KDM4B: variants seen among roughly 807,000 people sequenced by gnomAD.
KDM4B encodes lysine-specific demethylase 4B.
KDM4B carries 32 observed loss-of-function variants against 125.2 expected under a neutral mutation model. The observed-to-expected ratio is 0.26, with a 90% CI of 0.19 to 0.34. The LOEUF (loss-of-function observed/expected upper bound fraction) is 0.34, where lower values mean the gene tolerates loss of function less well. Among genes scored for constraint, KDM4B ranks in the 10% least tolerant of loss-of-function variants. The pLI, the probability that KDM4B is intolerant of heterozygous loss-of-function variation, is 1.00. For synonymous variants in KDM4B, 721 were observed against 677.9 expected, an observed-to-expected ratio of 1.06 and a Z score of -0.99; for missense variants, 1,190 against 1,577.7, an observed-to-expected ratio of 0.75 and a Z score of 4.16.
At chr19:4,991,395 C>T (rs760002056) in intron 1 of KDM4B, among the ~76,000 whole-genome samples, 58 of 152,250 alleles carry the variant, frequency 3.8e-4, no homozygotes, top group Middle Eastern at 3.4e-3. Flanking sequence ...GGGAGGATCA[C>T]TTGAGTCCAG....
chr19:5,036,374 C>G (rs533836783), intron 3 of KDM4B, among the ~76,000 whole-genome samples: 1 of 152,354 alleles, frequency 6.6e-6, no homozygotes, highest in African/African-American at 2.4e-5. Flanking sequence ...CTGGAGCTGG[C>G]GGTGCCCTGG....
Position 4,996,112 on chromosome 19 carries a change from C to T in KDM4B, c.-108-20145C>T, listed in dbSNP as rs150480784. Among the ~76,000 whole-genome samples, 356 of 152,250 alleles carry T rather than the reference C, an allele frequency of 2.3e-3. 1 individual carries two copies. Among genetic ancestry groups the T allele is most frequent in the Middle Eastern group, 0.01 (3 of 294 alleles). The stretch of plus-strand genomic sequence containing the variant: ...TCAAGTGATTCTCCTGCCTCAGACT[C>T]CTGAGTAGCTGGGATTACAGGCATG... On this transcript the variant is annotated intron_variant, in intron 1 of 22. Transcript: ENST00000159111.
At chr19:5,003,929 G>A (rs8106479) in intron 1 of KDM4B, among the ~76,000 whole-genome samples, 2 of 151,988 alleles carry the variant, frequency 1.3e-5, no homozygotes, top group East Asian at 1.9e-4. Context: ...GGTCTGCCCC[G>A]TGGGTTGTTG....
chr19:5,004,124 C>T (rs575348392), intron 1 of KDM4B, among the ~76,000 whole-genome samples: 5 of 152,272 alleles, frequency 3.3e-5, no homozygotes, highest in South Asian at 2.1e-4. Context: ...ACGGCTAGGG[C>T]GGTGGATGGC....
chr19:5,003,729 A>T (rs549486951), intron 1 of KDM4B, among the ~76,000 whole-genome samples: 122 of 152,138 alleles, frequency 8.0e-4, no homozygotes, highest in Non-Finnish European at 1.4e-3. Flanking sequence ...GAATCGCTTG[A>T]ACCCGGGAGG....
intron 9 of KDM4B, among the ~76,000 whole-genome samples, chr19:5,105,882 A>G (rs192293500): frequency 2.6e-5 from 4 of 152,392 alleles, no homozygotes; most frequent in African/African-American, 9.6e-5. Flanking sequence ...CTATGTGCCA[A>G]TAAAACTTTA....
intron 10 of KDM4B, among the ~76,000 whole-genome samples, chr19:5,111,206 G>T (rs934657209): frequency 6.6e-6 from 1 of 152,242 alleles, no homozygotes; most frequent in African/African-American, 2.4e-5. Context: ...CTCACTCACC[G>T]CATTTCTGCT....
At chr19:5,083,633 G>A (rs979446942) in intron 9 of KDM4B, among the ~76,000 whole-genome samples, 3 of 152,154 alleles carry the variant, frequency 2.0e-5, no homozygotes, top group African/African-American at 7.2e-5. Context: ...TGCTGTTTCT[G>A]GGCAGCATTG....
At chr19:5,060,179 C>T (rs1010301683) in intron 6 of KDM4B, among the ~76,000 whole-genome samples, 1 of 152,170 alleles carries the variant, frequency 6.6e-6, no homozygotes, top group African/African-American at 2.4e-5. Context: ...GTGGCTCACG[C>T]CTGTAATCCC....
At chr19:5,017,334 T>G (rs562453460) in intron 2 of KDM4B, among the ~76,000 whole-genome samples, 35 of 152,324 alleles carry the variant, frequency 2.3e-4, no homozygotes, top group Admixed American at 2.0e-3. Flanking sequence ...TGACCCCCTG[T>G]TTTTATAAAT....
At position 5,144,128 on chromosome 19, in the gene KDM4B, C is replaced by T; in HGVS notation, c.2712C>T (p.Leu904=). Residue 904 remains leucine (L), a synonymous_variant, in exon 19 of 23, where the codon CTC becomes CTT. Transcript: ENST00000159111. ...DWPYVVSITC[L]KHKSGGHAVQ... ...CCTATGTGGTCTCCATCACCTGCCT[C>T]AAGCACAAGTCGGGGGGTCACGCTG... The T allele has an allele frequency of 6.3e-7, 1 of 1,597,950 alleles. No individual in the cohort carries two copies. Among genetic ancestry groups the T allele is most frequent in the Non-Finnish European group, 8.6e-7 (1 of 1,167,836 alleles).
At chr19:5,058,833 G>A (rs551113125) in intron 6 of KDM4B, among the ~76,000 whole-genome samples, 3 of 152,342 alleles carry the variant, frequency 2.0e-5, no homozygotes, top group African/African-American at 7.2e-5. Flanking sequence ...GGAGGTAGGA[G>A]CCAAACAAAC....
intron 1 of KDM4B, among the ~76,000 whole-genome samples, chr19:4,981,473 G>A (rs1193444832): frequency 1.3e-5 from 2 of 152,154 alleles, no homozygotes; most frequent in East Asian, 3.9e-4. Context: ...TCCCTTTCCT[G>A]GTCCGGGGCC....
At chr19:5,105,051 T>C (rs2039008897) in intron 9 of KDM4B, among the ~76,000 whole-genome samples, 1 of 152,156 alleles carries the variant, frequency 6.6e-6, no homozygotes, top group African/African-American at 2.4e-5. Flanking sequence ...CAGGTCCCCA[T>C]GAGGCTGAGG....
intron 9 of KDM4B, among the ~76,000 whole-genome samples, chr19:5,108,392 C>T (rs965430221): frequency 6.6e-6 from 1 of 152,186 alleles, no homozygotes; most frequent in Non-Finnish European, 1.5e-5. Flanking sequence ...CAAATATTCC[C>T]TCCTGCTCAG....
chr19:4,997,192 G>A lies in KDM4B; in HGVS notation c.-108-19065G>A, dbSNP rs1599379544. Reference sequence around the variant, plus strand: ...TTTTGGAATAACCCTTTCTGTACCCGGGCTATTACCACCCTATTGTGTTAC... The same window carrying A: ...TTTTGGAATAACCCTTTCTGTACCCAGGCTATTACCACCCTATTGTGTTAC... On this transcript the variant is annotated intron_variant, in intron 1 of 22. Transcript: ENST00000159111. This position sits in a 1 kb window ranked among gnomAD's most constrained non-coding sequence, Gnocchi z 4.2. 1.3e-5 allele frequency among the ~76,000 whole-genome samples: 2 copies of A among 152,150 alleles called. No individual in the cohort carries two copies. Among genetic ancestry groups the A allele is most frequent in the Non-Finnish European group, 1.5e-5 (1 of 68,004 alleles).
chr19:5,047,380 A>G, intron 5 of KDM4B, 96 bp from the exon 6 acceptor site: 1 of 1,191,330 alleles, frequency 8.4e-7, no homozygotes, highest in Non-Finnish European at 1.2e-6. Context: ...ATGGGCAGCG[A>G]CCCCTGGGAC....
chr19:5,107,874 C>T lies in KDM4B; in HGVS notation c.919-2748C>T, dbSNP rs73546212. 1.5e-3 allele frequency among the ~76,000 whole-genome samples: 232 copies of T among 152,376 alleles called. 1 individual carries two copies. The highest frequency in any genetic ancestry group is 5.0e-3 in the African/African-American group (209 of 41,592). On this transcript the variant is annotated intron_variant, in intron 9 of 22. Coordinates refer to ENST00000159111, the MANE Select transcript of KDM4B (RefSeq NM_015015.3). ...TGCTTCCCTCCCTGTGACCCACCGGCCTTGCCTCCTTCCTGCTGTTTGCTT... is the reference window on the plus strand; with the variant it reads ...TGCTTCCCTCCCTGTGACCCACCGGTCTTGCCTCCTTCCTGCTGTTTGCTT...
At chr19:5,151,222 A>G in intron 22 of KDM4B, 113 bp from the exon 23 acceptor site, 5 of 939,870 alleles carry the variant, frequency 5.3e-6, no homozygotes, top group Non-Finnish European at 7.2e-6. Flanking sequence ...AGCAGCCCCC[A>G]CAGCAATCAG....
Sources: gnomAD v4.1 joint callset for allele counts (sites outside exome capture counted in the v4.1 genomes callset) on GRCh38, gnomAD v4.1.1 for gene constraint, Gnocchi (gnomAD v3.1) non-coding constraint, MANE v1.5 for transcripts, NCBI Gene and HGNC (gene_info 2026-07-23, HGNC 2026-07-21) for gene names.